The following MYT1L variants were observed in gnomAD, a reference collection of about 807,000 sequenced individuals.
MYT1L encodes myelin transcription factor 1-like protein.
In MYT1L, 12 loss-of-function variants were observed where a neutral mutation model predicts 126.7. That is an observed-to-expected ratio of 0.09 (90% CI 0.06 to 0.15). The LOEUF (loss-of-function observed/expected upper bound fraction) is 0.15, where lower values mean the gene tolerates loss of function less well. MYT1L is among the 10% of genes least tolerant of loss of function. The pLI is 1.00. For missense variants in MYT1L, 979 were observed against 1,585.2 expected (o/e 0.62, Z 6.49); for synonymous variants, 541 against 604.2 (o/e 0.90, Z 1.53).
chr2:2,123,673 C>A (rs1019945382), intron 3 of MYT1L, among the ~76,000 whole-genome samples: 3 of 152,182 alleles, frequency 2.0e-5, no homozygotes, highest in Non-Finnish European at 4.4e-5. Flanking sequence ...TCCTGTACAG[C>A]CTGTGGAACT....
At chr2:1,924,372 G>T (rs2053953242) in intron 9 of MYT1L, among the ~76,000 whole-genome samples, 1 of 152,092 alleles carries the variant, frequency 6.6e-6, no homozygotes, top group Non-Finnish European at 1.5e-5. Flanking sequence ...ATTAGATTTG[G>T]TTAACTGCAT....
intron 18 of MYT1L, among the ~76,000 whole-genome samples, chr2:1,855,237 T>G (rs1306702284): frequency 6.6e-6 from 1 of 152,226 alleles, no homozygotes; most frequent in Non-Finnish European, 1.5e-5. Flanking sequence ...TCTTCGCCTC[T>G]CAAACGGAGT....
At position 2,274,028 on chromosome 2, in the gene MYT1L, TACAAAAAGAA is replaced by T. The variant is rs570062485; in HGVS notation, c.-421+10366_-421+10375del. 9.3e-4 allele frequency among the ~76,000 whole-genome samples: 141 copies of T among 152,190 alleles called. 1 individual carries two copies. Among genetic ancestry groups the T allele is most frequent in the South Asian group, 4.6e-3 (22 of 4,820 alleles). ...CTCAATTATCCATATGACACATTTT[TACAAAAAGAA>T]ACAAAAAGGAGAAAGGTAGGCACAA... is the stretch of plus-strand genomic sequence containing the variant. On this transcript the variant is annotated intron_variant, in intron 2 of 24. Coordinates refer to ENST00000647738, the MANE Select transcript of MYT1L (RefSeq NM_001303052.2).
chr2:1,914,002 T>C (rs1375995705), intron 11 of MYT1L, among the ~76,000 whole-genome samples: 1 of 152,154 alleles, frequency 6.6e-6, no homozygotes, highest in Non-Finnish European at 1.5e-5. Context: ...ACACCTGTAA[T>C]TCCAGCACTT....
At chr2:1,972,504 T>C (rs1038916559) in intron 8 of MYT1L, among the ~76,000 whole-genome samples, 2 of 152,254 alleles carry the variant, frequency 1.3e-5, no homozygotes, top group Admixed American at 6.5e-5. Flanking sequence ...TTTTGGATTA[T>C]AGATGCTCCT....
chr2:2,059,222 C>G lies in MYT1L; in HGVS notation c.-303-5099G>C, dbSNP rs2070050704. Among the ~76,000 whole-genome samples the G allele has an allele frequency of 6.6e-6, 1 of 152,200 alleles. No individual in the cohort carries two copies. Among genetic ancestry groups the G allele is most frequent in the Non-Finnish European group, 1.5e-5 (1 of 68,052 alleles). On this transcript the variant is annotated intron_variant, in intron 3 of 24. Transcript: ENST00000647738. The surrounding 1 kb of genome is among the most constrained non-coding windows in gnomAD (Gnocchi z 4.7). ...AGTGGGCCTGCAGTGGCCATAGCAT[C>G]CCAGCTTCTTACTCTGGGTGAGGGC...
rs772911055 is a variant in MYT1L at position 1,789,345 on chromosome 2, C to G, written c.*2522G>C. On this transcript the variant is annotated 3_prime_UTR_variant, in exon 25 of 25. Transcript: ENST00000647738. ...CAGAGAGCACAATAAATAGTTTATA[C>G]AAAATTCTGTCTTAATAAATGATTA... is the stretch of plus-strand genomic sequence containing the variant. 2 of 151,984 alleles carry G rather than the reference C, an allele frequency of 1.3e-5. No homozygotes were observed. Among genetic ancestry groups the G allele is most frequent in the Admixed American group, 1.3e-4 (2 of 15,276 alleles). 9.4% of individuals were successfully genotyped at this position (151,984 alleles called of 1,614,324 possible).
chr2:2,186,656 C>T (rs533139941), intron 2 of MYT1L, among the ~76,000 whole-genome samples: 2 of 152,264 alleles, frequency 1.3e-5, no homozygotes, highest in South Asian at 2.1e-4. Flanking sequence ...AATAAGGATC[C>T]TTGGGTTTTT....
At chr2:1,896,400 T>C (rs1010404179) in intron 14 of MYT1L, among the ~76,000 whole-genome samples, 31 of 152,310 alleles carry the variant, frequency 2.0e-4, no homozygotes, top group Admixed American at 1.2e-3. Flanking sequence ...CTCATCACCA[T>C]GCTCTTCACA....
At chr2:1,906,684 A>G (rs992970410) in intron 13 of MYT1L, among the ~76,000 whole-genome samples, 4 of 152,188 alleles carry the variant, frequency 2.6e-5, no homozygotes, top group Admixed American at 6.5e-5. Context: ...TGTCAAATCA[A>G]TAAAATCATG....
intron 2 of MYT1L, among the ~76,000 whole-genome samples, chr2:2,254,995 G>T (rs1292880717): frequency 2.0e-5 from 3 of 151,688 alleles, no homozygotes; most frequent in African/African-American, 7.3e-5. Flanking sequence ...TTGTTTTTAT[G>T]ATATTTAACC....
chr2:2,007,444 ACTGT>A (rs1324682539), intron 4 of MYT1L, among the ~76,000 whole-genome samples: 2 of 152,220 alleles, frequency 1.3e-5, no homozygotes, highest in Admixed American at 1.3e-4. Context: ...AATTACAGAA[ACTGT>A]CTGTGCCTTT....
At chr2:1,861,868 CTGCAGCCTGTGTAATCCT>C in intron 18 of MYT1L, among the ~76,000 whole-genome samples, 1 of 152,300 alleles carries the variant, frequency 6.6e-6, no homozygotes, top group Admixed American at 6.5e-5. Context: ...CTAGATCTGC[CTGCAGCCTGTGTAATCCT>C]GGATCCTCCT....
intron 3 of MYT1L, among the ~76,000 whole-genome samples, chr2:2,120,425 T>C (rs1559069218): frequency 6.6e-6 from 1 of 152,150 alleles, no homozygotes; most frequent in Non-Finnish European, 1.5e-5. Flanking sequence ...CTTACCTCTC[T>C]GCTTGTCTCT....
At chr2:2,236,879 T>C (rs1261628291) in intron 2 of MYT1L, among the ~76,000 whole-genome samples, 2 of 151,094 alleles carry the variant, frequency 1.3e-5, no homozygotes, top group East Asian at 3.9e-4. Context: ...AATGGCGTGA[T>C]CTCGGCTCAC....
chr2:2,292,016 G>A (rs1272221296), intron 1 of MYT1L, among the ~76,000 whole-genome samples: 1 of 152,346 alleles, frequency 6.6e-6, no homozygotes, highest in African/African-American at 2.4e-5. Flanking sequence ...GGTGGGGCCC[G>A]ACTGCCCATC....
intron 19 of MYT1L, among the ~76,000 whole-genome samples, chr2:1,846,535 G>A (rs939228123): frequency 6.6e-6 from 1 of 152,170 alleles, no homozygotes; most frequent in Non-Finnish European, 1.5e-5. Context: ...AGAGCATACG[G>A]ACAGCTCCAG....
chr2:1,831,064 C>T (rs1296071659), intron 21 of MYT1L, among the ~76,000 whole-genome samples: 3 of 152,306 alleles, frequency 2.0e-5, no homozygotes, highest in South Asian at 2.1e-4. Context: ...TTGGCATGGC[C>T]GTGATTCCCT....
intron 5 of MYT1L, among the ~76,000 whole-genome samples, chr2:1,985,500 A>T (rs2060944162): frequency 6.6e-6 from 1 of 152,090 alleles, no homozygotes. Context: ...CTCAATTCTG[A>T]CTCCAGCAAG....
Sources: gnomAD v4.1 joint callset for allele counts (sites outside exome capture counted in the v4.1 genomes callset) on GRCh38, gnomAD v4.1.1 for gene constraint, Gnocchi (gnomAD v3.1) non-coding constraint, MANE v1.5 for transcripts, NCBI Gene and HGNC (gene_info 2026-07-23, HGNC 2026-07-21) for gene names.